PTPN2: variants seen among roughly 807,000 people sequenced by gnomAD.
The protein encoded by PTPN2 is protein tyrosine phosphatase non-receptor type 2.
PTPN2 carries 19 observed loss-of-function variants against 57.3 expected under a neutral mutation model. That is an observed-to-expected ratio of 0.33 (90% CI 0.23 to 0.49). The LOEUF is 0.49. Among genes scored for constraint, PTPN2 ranks in the 20% least tolerant of loss-of-function variants. PTPN2 has a pLI of 0.99. For synonymous variants in PTPN2, 153 were observed against 164.9 expected, an observed-to-expected ratio of 0.93 and a Z score of 0.55; for missense variants, 358 against 501.1, an observed-to-expected ratio of 0.71 and a Z score of 2.73.
intron 1 of PTPN2, 53 bp downstream of exon 1, chr18:12,884,020 C>T (rs1666601320): frequency 4.7e-6 from 7 of 1,477,628 alleles, no homozygotes; most frequent in South Asian, 1.2e-5. Context: ...GGACAGGGCA[C>T]GAGTCCGGGT....
intron 1 of PTPN2, among the ~76,000 whole-genome samples, chr18:12,876,360 G>A (rs1002709938): frequency 1.5e-5 from 2 of 137,434 alleles, no homozygotes; most frequent in East Asian, 2.3e-4. Context: ...CCAGCTTCTC[G>A]GGAGGCTGAG....
intron 2 of PTPN2, among the ~76,000 whole-genome samples, chr18:12,846,051 G>A (rs1464677637): frequency 6.6e-6 from 1 of 152,092 alleles, no homozygotes; most frequent in Non-Finnish European, 1.5e-5. Context: ...TCCTCCATTT[G>A]AGTTGTCAGA....
intron 1 of PTPN2, chr18:12,862,143 C>T (rs954281098): frequency 6.6e-6 from 1 of 151,236 alleles, no homozygotes; most frequent in African/African-American, 2.4e-5. Flanking sequence ...ATTCCAATAT[C>T]CTCTTTCTCT....
rs144536805 is a variant in PTPN2 at position 12,881,424 on chromosome 18, G to A, written c.69+2649C>T. Among the ~76,000 whole-genome samples, 959 of 152,074 alleles carry A rather than the reference G, an allele frequency of 6.3e-3. 9 individuals are homozygous for A. The highest frequency in any genetic ancestry group is 0.022 in the African/African-American group (912 of 41,422). ...TGCACTCCAGCCTGGGCGACAGAGC[G>A]GGACTCTGTCAAAAAAAAAAGAAGC... is the stretch of plus-strand genomic sequence containing the variant. On this transcript the variant is annotated intron_variant, in intron 1 of 8. Transcript: ENST00000309660.
chr18:12,874,663 G>A (rs561013614), intron 1 of PTPN2, among the ~76,000 whole-genome samples: 4,466 of 146,686 alleles, frequency 0.03, 154 homozygotes, highest in African/African-American at 0.11. Flanking sequence ...CCGGCCAGCC[G>A]CCCCGTCCGG....
intron 1 of PTPN2, among the ~76,000 whole-genome samples, chr18:12,876,946 TAAG>T (rs2044510893): frequency 6.6e-6 from 1 of 152,174 alleles, no homozygotes; most frequent in Admixed American, 6.5e-5. Context: ...AAATAGATCA[TAAG>T]AAGAAAGCAC....
chr18:12,856,751 C>T (rs1457532620), intron 2 of PTPN2, among the ~76,000 whole-genome samples: 1 of 152,130 alleles, frequency 6.6e-6, no homozygotes, highest in Non-Finnish European at 1.5e-5. Flanking sequence ...AATAAAACAT[C>T]TCAATTCCAG....
intron 5 of PTPN2, among the ~76,000 whole-genome samples, chr18:12,825,587 CCA>C (rs563557643): frequency 3.7e-4 from 57 of 152,062 alleles, no homozygotes; most frequent in Admixed American, 2.3e-3. Flanking sequence ...TTTTTAATCC[CCA>C]AATATCAAAC....
chr18:12,874,540 G>A (rs1460938360), intron 1 of PTPN2, among the ~76,000 whole-genome samples: 1 of 118,516 alleles, frequency 8.4e-6, no homozygotes, highest in African/African-American at 3.3e-5. Flanking sequence ...AGGTGGGGGG[G>A]GGTCAGCTCC....
intron 7 of PTPN2, among the ~76,000 whole-genome samples, chr18:12,811,299 C>CAA (rs1279263853): frequency 9.9e-5 from 15 of 152,148 alleles, no homozygotes; most frequent in Admixed American, 8.5e-4. Context: ...CCAGAATTTA[C>CAA]ACTGGTCAAT....
At chr18:12,805,774 C>T (rs915072269) in intron 7 of PTPN2, among the ~76,000 whole-genome samples, 2 of 151,452 alleles carry the variant, frequency 1.3e-5, no homozygotes, top group South Asian at 2.1e-4. Context: ...GGACTACAGG[C>T]GCGTGCCAGC....
chr18:12,842,618 T>C (rs564876020), intron 2 of PTPN2, among the ~76,000 whole-genome samples: 3 of 152,176 alleles, frequency 2.0e-5, no homozygotes, highest in African/African-American at 7.2e-5. Flanking sequence ...AGGTGGTACA[T>C]ACCTAACATG....
rs767324702 is a variant in PTPN2, at chr18:12,884,070, C to T, written c.69+3G>A. The T allele has an allele frequency of 7.0e-6, 11 of 1,574,376 alleles. No homozygotes were observed. The Admixed American group carries it at 1.8e-4, about 26-fold the overall frequency. ...GCGACTGCCGCGTGGGTCCGCGACT[C>T]ACCAAGTACAGCGGCTGCCAGCGAC... On this transcript the variant is annotated splice_donor_region_variant and intron_variant, in intron 1 of 8. Coordinates refer to ENST00000309660, the MANE Select transcript of PTPN2 (RefSeq NM_002828.4).
intron 2 of PTPN2, among the ~76,000 whole-genome samples, chr18:12,854,371 A>AG (rs2043508599): frequency 1.3e-5 from 2 of 151,336 alleles, no homozygotes; most frequent in South Asian, 4.2e-4. Context: ...AAAAAAAAAA[A>AG]AAAAGAAAAA....
chr18:12,831,990 G>A (rs1191237931), intron 3 of PTPN2, among the ~76,000 whole-genome samples: 1 of 152,200 alleles, frequency 6.6e-6, no homozygotes, highest in Non-Finnish European at 1.5e-5. Context: ...AAATAACTAT[G>A]AACATGCATT....
At chr18:12,826,174 G>T (rs140112209) in intron 4 of PTPN2, among the ~76,000 whole-genome samples, 7 of 152,162 alleles carry the variant, frequency 4.6e-5, no homozygotes, top group African/African-American at 1.7e-4. Context: ...AGGCTGAGGC[G>T]GGAGGATCAC....
intron 2 of PTPN2, among the ~76,000 whole-genome samples, chr18:12,842,734 T>A (rs2145418475): frequency 6.6e-6 from 1 of 152,328 alleles, no homozygotes; most frequent in African/African-American, 2.4e-5. Context: ...GATTCATTTC[T>A]CCTAAATTTG....
At chr18:12,797,477 C>G (rs1372991439) in intron 8 of PTPN2, among the ~76,000 whole-genome samples, 3 of 152,012 alleles carry the variant, frequency 2.0e-5, no homozygotes, top group African/African-American at 7.3e-5. Flanking sequence ...GCTGACAACA[C>G]ACTATTTTTC....
In PTPN2 at chr18:12,836,858, T is replaced by C; in HGVS notation, c.194A>G (p.Glu65Gly). The C allele has an allele frequency of 1.2e-6, 2 of 1,611,622 alleles. No homozygotes were observed. The highest frequency in any genetic ancestry group is 2.2e-5 in the South Asian group (2 of 90,940). Residue 65 changes from glutamate to glycine, a missense_variant, in exon 3 of 9, where the codon GAG (glutamate) becomes GGG (glycine). Physicochemically the swap from Glu to Gly is moderately conservative, Grantham distance 98 (BLOSUM62 -2). Coordinates refer to ENST00000309660, the MANE Select transcript of PTPN2 (RefSeq NM_002828.4). ...DHSRVKLQNA[E>G]NDYINASLVD... ...TAAACTGGCATTAATATAATCATTC[T>C]CAGCATTTTGCAGTTTAACACGACT...
Sources: allele counts gnomAD v4.1 joint callset (sites outside exome capture counted in the v4.1 genomes callset), GRCh38; gene constraint gnomAD v4.1.1; transcripts MANE v1.5; gene names NCBI Gene and HGNC (gene_info 2026-07-23, HGNC 2026-07-21).